Variants in ATF7IP2 observed in about 807,000 individuals in gnomAD.
ATF7IP2 encodes activating transcription factor 7 interacting protein 2.
In ATF7IP2, 42 loss-of-function variants were observed where a neutral mutation model predicts 64.2. The observed-to-expected ratio is 0.65, with a 90% CI of 0.51 to 0.85. ATF7IP2 has a LOEUF of 0.85. ATF7IP2 is among the 40% of genes least tolerant of loss of function. The pLI is 0.00. For synonymous variants in ATF7IP2, 308 were observed against 272.8 expected, an observed-to-expected ratio of 1.13 and a Z score of -1.27; for missense variants, 933 against 784.2, an observed-to-expected ratio of 1.19 and a Z score of -2.27.
At chr16:10,409,562 G>A (rs547887112) in intron 1 of ATF7IP2, among the ~76,000 whole-genome samples, 42 of 151,538 alleles carry the variant, frequency 2.8e-4, no homozygotes, top group African/African-American at 9.5e-4. Context: ...AAGTAGCTGA[G>A]ACTACAGGCC....
intron 1 of ATF7IP2, chr16:10,386,564 C>T (rs1596404272): frequency 1.3e-5 from 2 of 152,178 alleles, no homozygotes; most frequent in East Asian, 1.9e-4. Flanking sequence ...TTTTAATCAT[C>T]TAATGAAGTC....
chr16:10,465,866 T>C (rs1459483631), intron 9 of ATF7IP2, among the ~76,000 whole-genome samples: 3 of 152,164 alleles, frequency 2.0e-5, no homozygotes, highest in Non-Finnish European at 4.4e-5. Flanking sequence ...AATGGATTTC[T>C]CAAGATAAGC....
chr16:10,451,689 T>A (rs1475480112), intron 8 of ATF7IP2, among the ~76,000 whole-genome samples: 3 of 151,992 alleles, frequency 2.0e-5, no homozygotes, highest in African/African-American at 7.2e-5. Flanking sequence ...TATATTCTTC[T>A]CTAAACTGGT....
At chr16:10,466,751 G>T (rs185102528) in intron 9 of ATF7IP2, among the ~76,000 whole-genome samples, 7 of 151,766 alleles carry the variant, frequency 4.6e-5, no homozygotes, top group East Asian at 3.9e-4. Context: ...TTCCCTAATG[G>T]TGTCTTTATA....
chr16:10,417,904 G>A (rs1257123482), intron 2 of ATF7IP2, among the ~76,000 whole-genome samples: 1 of 152,146 alleles, frequency 6.6e-6, no homozygotes, highest in Non-Finnish European at 1.5e-5. Context: ...CATAAAAAAG[G>A]TAAGTAATGG....
chr16:10,435,054 C>A (rs2048375948), intron 6 of ATF7IP2, among the ~76,000 whole-genome samples: 1 of 152,190 alleles, frequency 6.6e-6, no homozygotes, highest in African/African-American at 2.4e-5. Context: ...AGGTGTGAGC[C>A]ACCGCGCCCA....
intron 2 of ATF7IP2, among the ~76,000 whole-genome samples, chr16:10,419,083 T>G (rs1170971247): frequency 6.6e-6 from 1 of 152,222 alleles, no homozygotes. Flanking sequence ...GTACGTTCAT[T>G]TTTTCGGGCC....
chr16:10,474,058 T>A, intron 12 of ATF7IP2, 69 bp downstream of exon 12: 1 of 1,042,718 alleles, frequency 9.6e-7, no homozygotes, highest in East Asian at 2.4e-5. Context: ...ATGCACTGGG[T>A]CTACTTATGA....
chr16:10,457,581 T>A, intron 9 of ATF7IP2, 52 bp downstream of exon 9: 35 of 1,265,136 alleles, frequency 2.8e-5, no homozygotes, highest in Non-Finnish European at 3.7e-5. Flanking sequence ...TAATAATGAA[T>A]TTTTTCTTCA....
At position 10,481,888 on chromosome 16, in the gene ATF7IP2, T is replaced by C. The variant is rs760305618; in HGVS notation, c.1688T>C (p.Leu563Pro). ...CCTCTCCCAGAACCACCAGCACCAC[T>C]ACCTGAATTAGTAGACAAAACCCGA... ...LPPLPEPPAP[L>P]PELVDKTRDT... The change falls in exon 14 of 14, where the codon CTA becomes CCA. Residue 563 changes from leucine (L) to proline (P), a missense_variant. By Grantham distance (98) the Leu-to-Pro change is moderately conservative. Coordinates refer to ENST00000562102, the MANE Select transcript of ATF7IP2 (RefSeq NM_001393719.1). 4 of 1,612,102 alleles carry C rather than the reference T, an allele frequency of 2.5e-6. No individual in the cohort carries two copies. The South Asian group carries it at 4.4e-5, about 18-fold the overall frequency.
intron 10 of ATF7IP2, among the ~76,000 whole-genome samples, chr16:10,472,476 C>CT (rs1167514006): frequency 1.3e-5 from 2 of 151,926 alleles, no homozygotes; most frequent in Admixed American, 6.6e-5. Flanking sequence ...TTGCCCTGGC[C>CT]TTTTTTTGAT....
At chr16:10,402,291 T>C (rs999781558) in intron 1 of ATF7IP2, among the ~76,000 whole-genome samples, 3 of 152,176 alleles carry the variant, frequency 2.0e-5, no homozygotes, top group African/African-American at 7.2e-5. Context: ...CTATTTTCAT[T>C]TGTCTCAAAT....
chr16:10,475,722 G>GAAAAAAAAAAAAAAAAAAAAAAA (rs386384218), intron 12 of ATF7IP2, among the ~76,000 whole-genome samples: 3 of 41,632 alleles, frequency 7.2e-5, no homozygotes, highest in African/African-American at 1.2e-4. Flanking sequence ...TAAGAAGCCA[G>GAAAAAAAAAAAAAAAAAAAAAAA]AAAAAAAAAA....
chr16:10,409,115 G>T (rs112803098), intron 1 of ATF7IP2, among the ~76,000 whole-genome samples: 4 of 152,070 alleles, frequency 2.6e-5, no homozygotes, highest in East Asian at 1.9e-4. Flanking sequence ...TCCCATGGGC[G>T]GGGGGTAGGC....
intron 1 of ATF7IP2, among the ~76,000 whole-genome samples, chr16:10,396,909 C>G (rs879641553): frequency 6.6e-6 from 1 of 152,098 alleles, no homozygotes; most frequent in Admixed American, 6.5e-5. Flanking sequence ...TCAAGCAGTC[C>G]TCCTGCTTTG....
chr16:10,458,019 T>C (rs1390139370), intron 9 of ATF7IP2, among the ~76,000 whole-genome samples: 2 of 152,200 alleles, frequency 1.3e-5, no homozygotes, highest in African/African-American at 4.8e-5. Context: ...GCCCTATACT[T>C]GAGTTTTTAA....
At position 10,434,332 on chromosome 16, in the gene ATF7IP2, C is replaced by T. The variant is rs534539213; in HGVS notation, c.960+683C>T. On this transcript the variant is annotated intron_variant, in intron 6 of 13. Transcript: ENST00000562102. Reference sequence around the variant, plus strand: ...GGACGGGTTTTGATGACCATGTTTTCCTATTTCACTACCACTAGAATGCCA... The same window carrying T: ...GGACGGGTTTTGATGACCATGTTTTTCTATTTCACTACCACTAGAATGCCA... 1.3e-4 allele frequency among the ~76,000 whole-genome samples: 20 copies of T among 152,162 alleles called. No individual in the cohort carries two copies. In the South Asian group the frequency reaches 4.2e-3, roughly 32 times the overall value.
At position 10,395,521 on chromosome 16, in the gene ATF7IP2, G is replaced by A. The variant is rs578204308; in HGVS notation, c.-242+9399G>A. 6.6e-5 allele frequency among the ~76,000 whole-genome samples: 10 copies of A among 152,132 alleles called. No individual in the cohort carries two copies. The South Asian group carries it at 1.9e-3, about 28-fold the overall frequency. On this transcript the variant is annotated intron_variant, in intron 1 of 13. Coordinates refer to ENST00000562102, the MANE Select transcript of ATF7IP2 (RefSeq NM_001393719.1). ...AACTGCAGAACGATGTTTTTTTAAT[G>A]TATAGAGATGTGAAAATCCTCAACC...
chr16:10,471,646 G>C (rs1303866944), intron 9 of ATF7IP2, among the ~76,000 whole-genome samples: 1 of 152,140 alleles, frequency 6.6e-6, no homozygotes, highest in African/African-American at 2.4e-5. Flanking sequence ...ATTGCTACTG[G>C]AGAGATAAAA....
Sources: gnomAD v4.1 joint callset for allele counts (sites outside exome capture counted in the v4.1 genomes callset) on GRCh38, gnomAD v4.1.1 for gene constraint, MANE v1.5 for transcripts, NCBI Gene and HGNC (gene_info 2026-07-23, HGNC 2026-07-21) for gene names.